Variants in C8orf74 observed in about 807,000 individuals in gnomAD.
C8orf74 encodes the protein uncharacterized protein C8orf74.
A neutral mutation model predicts 22.2 loss-of-function variants in C8orf74; 29 were observed. That is an observed-to-expected ratio of 1.31 (90% confidence interval 0.97 to 1.78). C8orf74 has a LOEUF of 1.78. C8orf74 is among the 40% of genes most tolerant of loss of function. The probability of loss-of-function intolerance (pLI) is 0.00; values close to 1 mark genes in which losing one functional copy is unlikely to be tolerated. For synonymous variants in C8orf74, 255 were observed against 163.1 expected (o/e 1.56, Z -4.30); for missense variants, 515 against 369.9 (o/e 1.39, Z -3.22).
chr8:10,684,718 C>T (rs183071971), intron 2 of C8orf74, among the ~76,000 whole-genome samples: 8 of 152,196 alleles, frequency 5.3e-5, no homozygotes, highest in Admixed American at 1.3e-4. Context: ...TTTGTTCTTA[C>T]GTAGTTCTTA....
chr8:10,688,234 G>C (rs1016530442), intron 2 of C8orf74: 1 of 150,160 alleles, frequency 6.7e-6, no homozygotes, highest in East Asian at 1.9e-4. Context: ...AAAGAAAAAA[G>C]AAAAAAGAAA....
At chr8:10,691,081 GA>G (rs997467531) in intron 2 of C8orf74, 2 of 378,884 alleles carry the variant, frequency 5.3e-6, no homozygotes, top group Non-Finnish European at 1.1e-5. Context: ...CCGAGGCCAA[GA>G]AAGTGTGTCT....
chr8:10,679,833 T>G (rs1799110894), intron 2 of C8orf74: 1 of 153,104 alleles, frequency 6.5e-6, no homozygotes, highest in Non-Finnish European at 1.5e-5. Flanking sequence ...CTGTGATGAC[T>G]GCCTTGTCCG....
chr8:10,693,994 G>T (rs184841266), intron 2 of C8orf74, among the ~76,000 whole-genome samples: 1 of 152,338 alleles, frequency 6.6e-6, no homozygotes, highest in African/African-American at 2.4e-5. Flanking sequence ...CCAGGCTGCT[G>T]CCTGCTCCTC....
intron 1 of C8orf74, among the ~76,000 whole-genome samples, chr8:10,672,972 T>G (rs1307585854): frequency 1.3e-5 from 2 of 152,084 alleles, no homozygotes; most frequent in African/African-American, 4.8e-5. Context: ...TGAGGGACTG[T>G]GCCTGCCTCC....
chr8:10,683,828 C>T, intron 2 of C8orf74, among the ~76,000 whole-genome samples: 1 of 152,230 alleles, frequency 6.6e-6, no homozygotes, highest in East Asian at 1.9e-4. Flanking sequence ...TGCCTCCTCA[C>T]TTCTGGAGAG....
chr8:10,684,910 G>A (rs746626064), intron 2 of C8orf74, among the ~76,000 whole-genome samples: 10 of 152,144 alleles, frequency 6.6e-5, no homozygotes, highest in Admixed American at 2.0e-4. Context: ...GCTGAGATAC[G>A]TCGACGGCCC....
intron 2 of C8orf74, among the ~76,000 whole-genome samples, chr8:10,684,417 T>A (rs1382633104): frequency 6.6e-6 from 1 of 152,154 alleles, no homozygotes; most frequent in Non-Finnish European, 1.5e-5. Flanking sequence ...GAGAAGGGCG[T>A]GGACAAGAGT....
Position 10,697,981 on chromosome 8 carries a change from G to C in C8orf74, c.624G>C (p.Gln208His), listed in dbSNP as rs766554655. Residue 208 changes from glutamine to histidine, a missense_variant, in exon 3 of 4, where the codon CAG becomes CAC. Coordinates refer to ENST00000304519, the MANE Select transcript of C8orf74 (RefSeq NM_001040032.2). Reference protein sequence around the residue: ...QKAFAAAAPAQPGQVLERQEL... With the variant: ...QKAFAAAAPAHPGQVLERQEL... ...CGTTCGCTGCCGCCGCGCCTGCGCA[G>C]CCCGGCCAGGTCCTGGAGAGACAGG... The C allele has an allele frequency of 6.6e-7, 1 of 1,505,238 alleles. No individual in the cohort carries two copies. The highest frequency in any genetic ancestry group is 8.9e-7 in the Non-Finnish European group (1 of 1,129,566). 93.2% of individuals were successfully genotyped at this position (1,505,238 alleles called of 1,614,324 possible).
chr8:10,700,375 C>T lies in C8orf74; in HGVS notation c.789C>T (p.Thr263=). 6.2e-7 allele frequency: 1 copy of T among 1,608,612 alleles called. No individual in the cohort carries two copies. Among genetic ancestry groups the T allele is most frequent in the Non-Finnish European group, 8.5e-7 (1 of 1,175,274 alleles). Residue 263 remains threonine (T), a synonymous_variant, in exon 4 of 4, where the codon ACC becomes ACT. Coordinates refer to ENST00000304519, the MANE Select transcript of C8orf74 (RefSeq NM_001040032.2). ...AGACTCTGAACCTCAACGCCCCCACCCCTATCCCGCCCCCCATCACCAGCC... is the reference window on the plus strand; with the variant it reads ...AGACTCTGAACCTCAACGCCCCCACTCCTATCCCGCCCCCCATCACCAGCC... ...QKKTLNLNAP[T]PIPPPITSHA...
rs748937356 is a variant in C8orf74, at chr8:10,697,572, C to T, written c.242-27C>T. 1.2e-5 allele frequency: 20 copies of T among 1,600,036 alleles called. No individual in the cohort carries two copies. In the Middle Eastern group the frequency reaches 6.7e-4, roughly 53 times the overall value. On this transcript the variant is annotated intron_variant, in intron 2 of 3. Coordinates refer to ENST00000304519, the MANE Select transcript of C8orf74 (RefSeq NM_001040032.2). ...GCAGGGCAGCTCTGTCCCACTCCCA[C>T]TCTGTTCTTGGCCCCTGTGCCTACA...
intron 2 of C8orf74, chr8:10,691,042 T>G: frequency 2.1e-5 from 9 of 423,784 alleles, no homozygotes; most frequent in South Asian, 1.5e-4. Flanking sequence ...CACCAGGAAC[T>G]TCTCAACCCG....
intron 2 of C8orf74, among the ~76,000 whole-genome samples, chr8:10,686,042 C>T (rs1178860117): frequency 6.6e-6 from 1 of 152,134 alleles, no homozygotes; most frequent in Non-Finnish European, 1.5e-5. Context: ...GCACTCTAGC[C>T]TGGGCAACAG....
intron 2 of C8orf74, among the ~76,000 whole-genome samples, chr8:10,693,169 T>G (rs934810793): frequency 2.0e-5 from 3 of 152,160 alleles, no homozygotes; most frequent in Non-Finnish European, 4.4e-5. Context: ...GCTCACTGCC[T>G]TCCTCCCCGA....
chr8:10,685,581 A>C (rs4427133), intron 2 of C8orf74, among the ~76,000 whole-genome samples: 65,658 of 152,032 alleles, frequency 0.43, 19,340 homozygotes, highest in African/African-American at 0.82. Context: ...TATGAGGAAC[A>C]CAGAGTAGTC....
rs746170588 is a variant in C8orf74 at position 10,674,711 on chromosome 8, C to A, written c.114C>A (p.Asp38Glu). 6.2e-7 allele frequency: 1 copy of A among 1,609,236 alleles called. No homozygotes were observed. ...GGGAGGAGTTTGACGAACAGAGAGACTCCCGGAGGAGCATCCTGCTGGACA... is the reference window on the plus strand; with the variant it reads ...GGGAGGAGTTTGACGAACAGAGAGAATCCCGGAGGAGCATCCTGCTGGACA... ...LNWEEFDEQR[D>E]SRRSILLDTL... Residue 38 changes from aspartate to glutamate, a missense_variant, in exon 2 of 4, where the codon GAC becomes GAA. Transcript: ENST00000304519.
Position 10,697,863 on chromosome 8 carries a change from C to T in C8orf74, c.506C>T (p.Ala169Val), listed in dbSNP as rs1421516319. Residue 169 changes from alanine to valine, a missense_variant, in exon 3 of 4, where the codon GCC becomes GTC. Transcript: ENST00000304519. ...RDLWIHEQQV[A>V]TLTEAEAQKR... ...TTGTGGATCCACGAGCAGCAGGTGGCCACACTGACGGAGGCCGAGGCACAG... is the reference window on the plus strand; with the variant it reads ...TTGTGGATCCACGAGCAGCAGGTGGTCACACTGACGGAGGCCGAGGCACAG... 6.2e-7 allele frequency: 1 copy of T among 1,613,332 alleles called. No individual in the cohort carries two copies. Among genetic ancestry groups the T allele is most frequent in the Non-Finnish European group, 8.5e-7 (1 of 1,179,614 alleles).
chr8:10,680,485 C>T (rs1357235880), intron 2 of C8orf74, among the ~76,000 whole-genome samples: 2 of 152,218 alleles, frequency 1.3e-5, no homozygotes, highest in Admixed American at 6.5e-5. Flanking sequence ...GTCCAAGACT[C>T]ATCAAACAGA....
intron 2 of C8orf74, among the ~76,000 whole-genome samples, chr8:10,683,541 A>T (rs1799196639): frequency 6.6e-6 from 1 of 152,164 alleles, no homozygotes; most frequent in South Asian, 2.1e-4. Flanking sequence ...AGTCGCTTTC[A>T]TCTCTGGGGG....
Sources: gnomAD v4.1 joint callset for allele counts (sites outside exome capture counted in the v4.1 genomes callset) on GRCh38, gnomAD v4.1.1 for gene constraint, MANE v1.5 for transcripts, NCBI Gene and HGNC (gene_info 2026-07-23, HGNC 2026-07-21) for gene names.